DSCAM: variants seen among roughly 807,000 people sequenced by gnomAD.
The protein encoded by DSCAM is cell adhesion molecule DSCAM.
A neutral mutation model predicts 217.7 loss-of-function variants in DSCAM; 47 were observed. That is an observed-to-expected ratio of 0.22 (90% CI 0.17 to 0.28). The LOEUF is 0.28. DSCAM is among the 10% of genes least tolerant of loss of function. The pLI is 1.00. For synonymous variants in DSCAM, 1,056 were observed against 1,015.3 expected (o/e 1.04, Z -0.76); for missense variants, 2,080 against 2,618.3 (o/e 0.79, Z 4.49).
chr21:40,337,705 C>T (rs2074442551), intron 8 of DSCAM, among the ~76,000 whole-genome samples: 1 of 152,130 alleles, frequency 6.6e-6, no homozygotes, highest in Non-Finnish European at 1.5e-5. Flanking sequence ...AAATCCTCAT[C>T]CAATACAGAA....
rs150918011 is a variant in DSCAM, at chr21:40,161,025, T to C, written c.3018+6193A>G. Among the ~76,000 whole-genome samples the C allele has an allele frequency of 3.7e-4, 56 of 152,300 alleles. No homozygotes were observed. In the East Asian group the frequency reaches 9.7e-3, roughly 26 times the overall value. On this transcript the variant is annotated intron_variant, in intron 16 of 32. Coordinates refer to ENST00000400454, the MANE Select transcript of DSCAM (RefSeq NM_001389.5). ...TGCCTCTTAGGCTGACAGTCCCAGATAGTGTCTCTTCCCAGCCTGCCTGAG... is the reference window on the plus strand; with the variant it reads ...TGCCTCTTAGGCTGACAGTCCCAGACAGTGTCTCTTCCCAGCCTGCCTGAG...
At chr21:40,514,014 G>T (rs1485557192) in intron 3 of DSCAM, among the ~76,000 whole-genome samples, 1 of 152,122 alleles carries the variant, frequency 6.6e-6, no homozygotes, top group Non-Finnish European at 1.5e-5. Flanking sequence ...GTGACAGATT[G>T]CATACAGAAT....
intron 2 of DSCAM, among the ~76,000 whole-genome samples, chr21:40,702,713 T>C (rs1389383153): frequency 6.6e-6 from 1 of 152,168 alleles, no homozygotes; most frequent in Admixed American, 6.5e-5. Context: ...TTTTCTTCTT[T>C]GTTTTGGATT....
chr21:40,135,488 G>A (rs1443871156), intron 18 of DSCAM, among the ~76,000 whole-genome samples: 1 of 152,230 alleles, frequency 6.6e-6, no homozygotes, highest in Admixed American at 6.5e-5. Context: ...CAGTGGCTGA[G>A]GGCACAGGCC....
At chr21:40,179,183 CCAAAAAAAAAAAA>C in intron 14 of DSCAM, 89 bp from the exon 15 acceptor site, 2 of 86,314 alleles carry the variant, frequency 2.3e-5, no homozygotes, top group African/African-American at 1.7e-4. Context: ...GAATTAAAAA[CCAAAAAAAAAAAA>C]AAAAAAAAAA....
intron 3 of DSCAM, among the ~76,000 whole-genome samples, chr21:40,655,116 C>T (rs1464905245): frequency 6.6e-6 from 1 of 152,104 alleles, no homozygotes. Context: ...GCACAGTCCA[C>T]AGCGTGCCAC....
intron 8 of DSCAM, among the ~76,000 whole-genome samples, chr21:40,334,474 C>A (rs1425132361): frequency 6.6e-6 from 1 of 152,074 alleles, no homozygotes; most frequent in Non-Finnish European, 1.5e-5. Context: ...CTGAATAGAC[C>A]TTCGAAATAG....
rs2089720794 is a variant in DSCAM at position 40,633,670 on chromosome 21, G to A, written c.508+59140C>T. On this transcript the variant is annotated intron_variant, in intron 3 of 32. Coordinates refer to ENST00000400454, the MANE Select transcript of DSCAM (RefSeq NM_001389.5). ...GTGAGAAGAAAGGAGGGGTTAGCTA[G>A]ACATTGAGAATAAGATGGCTGCTCA... is the stretch of plus-strand genomic sequence containing the variant. 5.3e-5 allele frequency among the ~76,000 whole-genome samples: 8 copies of A among 152,296 alleles called. No individual in the cohort carries two copies. In the South Asian group the frequency reaches 1.7e-3, roughly 32 times the overall value.
intron 3 of DSCAM, among the ~76,000 whole-genome samples, chr21:40,687,380 C>T (rs990885527): frequency 2.0e-5 from 3 of 152,014 alleles, no homozygotes; most frequent in Admixed American, 6.5e-5. Flanking sequence ...CTCAGGTCTC[C>T]GCAAGATAGC....
At chr21:40,403,621 A>G (rs1000161107) in intron 3 of DSCAM, among the ~76,000 whole-genome samples, 4 of 125,920 alleles carry the variant, frequency 3.2e-5, no homozygotes, top group Admixed American at 1.8e-4. Flanking sequence ...GTATGCAAGC[A>G]TGCATGTGCA....
rs531987050 is a variant in DSCAM at position 40,689,436 on chromosome 21, C to T, written c.508+3374G>A. Among the ~76,000 whole-genome samples, 29 of 152,332 alleles carry T rather than the reference C, an allele frequency of 1.9e-4. 1 individual carries two copies. In the South Asian group the frequency reaches 6.0e-3, roughly 32 times the overall value. On this transcript the variant is annotated intron_variant, in intron 3 of 32. Transcript: ENST00000400454. ...ACTTCGCCCTGAGCCCAGTGGGGCA[C>T]GTTGGGCCATGGCCTGTGAATCATG...
chr21:40,424,736 T>C (rs1054583275), intron 3 of DSCAM, among the ~76,000 whole-genome samples: 3 of 152,176 alleles, frequency 2.0e-5, no homozygotes, highest in African/African-American at 7.2e-5. Flanking sequence ...TGGGAATAGA[T>C]TATATTCTGG....
chr21:40,137,594 TACAC>T (rs3988428), intron 18 of DSCAM, among the ~76,000 whole-genome samples: 40,331 of 134,618 alleles, frequency 0.3, 6,663 homozygotes, highest in South Asian at 0.45. Flanking sequence ...GGCTGTTTAA[TACAC>T]ACACACACAC....
intron 1 of DSCAM, among the ~76,000 whole-genome samples, chr21:40,722,840 G>T (rs568942623): frequency 1.3e-5 from 2 of 151,974 alleles, no homozygotes; most frequent in Non-Finnish European, 2.9e-5. Context: ...AAAAATATAA[G>T]CTAACACTAC....
chr21:40,841,073 T>C (rs1004374731), intron 1 of DSCAM, among the ~76,000 whole-genome samples: 5 of 152,172 alleles, frequency 3.3e-5, no homozygotes, highest in Non-Finnish European at 7.4e-5. Flanking sequence ...ATCACCTAAA[T>C]GCAGGCGTAA....
chr21:40,084,126 C>T, intron 23 of DSCAM, 120 bp from the exon 24 acceptor site: 1 of 682,154 alleles, frequency 1.5e-6, no homozygotes, highest in Non-Finnish European at 2.4e-6. Context: ...TTCAGTTTGC[C>T]AAAATATACA....
intron 3 of DSCAM, among the ~76,000 whole-genome samples, chr21:40,547,934 A>C (rs1166475254): frequency 1.3e-5 from 2 of 152,136 alleles, no homozygotes; most frequent in Non-Finnish European, 1.5e-5. Context: ...GCAGCCCCCC[A>C]AATTGGGGAG....
intron 1 of DSCAM, among the ~76,000 whole-genome samples, chr21:40,714,460 A>G (rs1336617880): frequency 6.6e-6 from 1 of 152,160 alleles, no homozygotes; most frequent in African/African-American, 2.4e-5. Context: ...CAGGTGAGGG[A>G]CATGGAATTA....
chr21:40,840,793 C>A (rs1302989946), intron 1 of DSCAM, among the ~76,000 whole-genome samples: 7 of 151,952 alleles, frequency 4.6e-5, no homozygotes, highest in African/African-American at 1.7e-4. Flanking sequence ...GAGAGCAAGT[C>A]CAGGAAAGCA....
Sources: gnomAD v4.1 joint callset for allele counts (sites outside exome capture counted in the v4.1 genomes callset) on GRCh38, gnomAD v4.1.1 for gene constraint, MANE v1.5 for transcripts, NCBI Gene and HGNC (gene_info 2026-07-23, HGNC 2026-07-21) for gene names.